Variants in SDK1 observed in about 807,000 individuals in gnomAD.
SDK1 encodes protein sidekick-1.
In SDK1, 157 loss-of-function variants were observed where a neutral mutation model predicts 245.5. That is an observed-to-expected ratio of 0.64 (90% CI 0.56 to 0.73). The LOEUF (loss-of-function observed/expected upper bound fraction) is 0.73, where lower values mean the gene tolerates loss of function less well. Ranked by LOEUF, SDK1 falls within the 30% of genes least tolerant of loss-of-function variation. SDK1 has a pLI of 0.00. For synonymous variants in SDK1, 1,647 were observed against 1,278.5 expected (o/e 1.29, Z -6.15); for missense variants, 3,583 against 3,002.3 (o/e 1.19, Z -4.52).
chr7:3,727,848 G>A (rs140105473), intron 4 of SDK1, among the ~76,000 whole-genome samples: 356 of 152,160 alleles, frequency 2.3e-3, no homozygotes, highest in Middle Eastern at 0.02. Flanking sequence ...GAGGTCCACC[G>A]TTTATTCAGA....
In SDK1 at chr7:3,545,739, A is replaced by G. The variant is rs182813834; in HGVS notation, c.299-73341A>G. 2.4e-3 allele frequency among the ~76,000 whole-genome samples: 372 copies of G among 152,356 alleles called. 3 individuals are homozygous for G. Among genetic ancestry groups the G allele is most frequent in the South Asian group, 0.018 (89 of 4,820 alleles). On this transcript the variant is annotated intron_variant, in intron 1 of 44. Transcript: ENST00000404826. ...TGGTTCTGTAGAAGCAGCTAAAGCA[A>G]GATGACATTTCTGAGACTTCTGGCC...
intron 5 of SDK1, among the ~76,000 whole-genome samples, chr7:3,930,565 T>C (rs557647643): frequency 1.7e-4 from 26 of 152,244 alleles, no homozygotes; most frequent in Middle Eastern, 3.2e-3. Context: ...GCTCAGAGAC[T>C]GAAAATCCTG....
At chr7:3,706,282 A>AGAT (rs1404041911) in intron 4 of SDK1, among the ~76,000 whole-genome samples, 1 of 152,224 alleles carries the variant, frequency 6.6e-6, no homozygotes, top group Non-Finnish European at 1.5e-5. Flanking sequence ...CTGGCTTCAC[A>AGAT]GATGAGTTAG....
chr7:3,749,188 G>A (rs1779707471), intron 4 of SDK1, among the ~76,000 whole-genome samples: 1 of 152,134 alleles, frequency 6.6e-6, no homozygotes, highest in African/African-American at 2.4e-5. Context: ...CTAGGCTGGA[G>A]TGCAGTGGCA....
At chr7:4,162,394 TTATTATTA>T (rs1482318974) in intron 32 of SDK1, among the ~76,000 whole-genome samples, 1 of 108,140 alleles carries the variant, frequency 9.2e-6, no homozygotes, top group Admixed American at 9.6e-5. Flanking sequence ...ATTATTATTA[TTATTATTA>T]TTATTATTAT....
chr7:3,699,823 A>G (rs535477370), intron 4 of SDK1, among the ~76,000 whole-genome samples: 52 of 152,372 alleles, frequency 3.4e-4, no homozygotes, highest in Admixed American at 9.8e-4. Context: ...TTTCCTGAAT[A>G]TGGCATTTTA....
chr7:4,168,594 T>C (rs597049), intron 32 of SDK1, among the ~76,000 whole-genome samples: 152,267 of 152,290 alleles, frequency 1, 76,122 homozygotes, highest in Middle Eastern at 1. Context: ...TCACGCCACC[T>C]GAGCTTCCCT....
chr7:4,265,949 G>GT lies in SDK1; in HGVS notation c.*566dup, dbSNP rs1477070945. 2 of 985,600 alleles carry GT rather than the reference G, an allele frequency of 2.0e-6. No homozygotes were observed. Among genetic ancestry groups the GT allele is most frequent in the Non-Finnish European group, 2.4e-6 (2 of 830,134 alleles). The allele number at this position is 985,600 out of a possible 1,614,324, so 61.1% of individuals were successfully genotyped here. ...GTTTCTGAAATGTTCTCACTTGGCA[G>GT]TGTCTAGTCAAGGAGTCGGCTTTCA... On this transcript the variant is annotated 3_prime_UTR_variant, in exon 45 of 45. Transcript: ENST00000404826.
chr7:3,317,834 C>G (rs1008513668), intron 1 of SDK1, among the ~76,000 whole-genome samples: 4 of 152,154 alleles, frequency 2.6e-5, no homozygotes, highest in Non-Finnish European at 5.9e-5. Flanking sequence ...AACTAGGAGC[C>G]TAAGGTAACC....
At chr7:3,643,006 C>G (rs1782698658) in intron 4 of SDK1, 2 of 152,262 alleles carry the variant, frequency 1.3e-5, no homozygotes, top group South Asian at 2.1e-4. Context: ...TTACATCTAA[C>G]TGTGAAAGTC....
intron 4 of SDK1, among the ~76,000 whole-genome samples, chr7:3,765,524 C>G (rs1780229710): frequency 6.6e-6 from 1 of 152,168 alleles, no homozygotes; most frequent in African/African-American, 2.4e-5. Context: ...CCTTTTAACG[C>G]TAGTTCTCGT....
At chr7:4,153,647 T>A (rs1035133852) in intron 30 of SDK1, among the ~76,000 whole-genome samples, 3 of 152,162 alleles carry the variant, frequency 2.0e-5, no homozygotes, top group Non-Finnish European at 4.4e-5. Context: ...TGATATTCTT[T>A]GTGATACAAT....
chr7:3,491,544 C>T lies in SDK1; in HGVS notation c.299-127536C>T, dbSNP rs566717383. Among the ~76,000 whole-genome samples, 293 of 152,280 alleles carry T rather than the reference C, an allele frequency of 1.9e-3. 1 individual carries two copies. The highest frequency in any genetic ancestry group is 6.6e-3 in the African/African-American group (275 of 41,556). The stretch of plus-strand genomic sequence containing the variant: ...ATTTCTTTTTCCCCTATTCATAAAC[C>T]ATTGTGATCGCAGTCTTCTATAGAA... On this transcript the variant is annotated intron_variant, in intron 1 of 44. Transcript: ENST00000404826.
At chr7:3,615,184 C>T (rs902102932) in intron 1 of SDK1, among the ~76,000 whole-genome samples, 2 of 151,570 alleles carry the variant, frequency 1.3e-5, no homozygotes, top group Non-Finnish European at 3.0e-5. Context: ...TATGAAGTGG[C>T]ATTTCTTTTT....
intron 35 of SDK1, 83 bp from the exon 36 acceptor site, chr7:4,205,796 C>T (rs1027508867): frequency 5.2e-5 from 58 of 1,125,220 alleles, no homozygotes; most frequent in Non-Finnish European, 6.5e-5. Context: ...AGGGCATGCT[C>T]GAGCCCCATG....
chr7:4,150,707 C>G (rs768776889), intron 30 of SDK1, among the ~76,000 whole-genome samples: 26 of 152,228 alleles, frequency 1.7e-4, no homozygotes, highest in Non-Finnish European at 3.7e-4. Flanking sequence ...CCTGGCCCCA[C>G]TCTGCCCTGG....
intron 4 of SDK1, among the ~76,000 whole-genome samples, chr7:3,810,919 A>G (rs1299581360): frequency 1.3e-5 from 2 of 152,224 alleles, no homozygotes; most frequent in Admixed American, 1.3e-4. Flanking sequence ...TGTTTTAGGT[A>G]ATAGAGGCTT....
chr7:3,793,841 G>A (rs1007865144), intron 4 of SDK1, among the ~76,000 whole-genome samples: 1 of 152,124 alleles, frequency 6.6e-6, no homozygotes, highest in African/African-American at 2.4e-5. Context: ...TCTGCACAAT[G>A]GCAGTCACCT....
chr7:3,319,710 A>G (rs557528404), intron 1 of SDK1, among the ~76,000 whole-genome samples: 1 of 152,092 alleles, frequency 6.6e-6, no homozygotes, highest in South Asian at 2.1e-4. Flanking sequence ...TTTATTGCCA[A>G]CTCAAGTACC....
Sources: allele counts gnomAD v4.1 joint callset (sites outside exome capture counted in the v4.1 genomes callset), GRCh38; gene constraint gnomAD v4.1.1; transcripts MANE v1.5; gene names NCBI Gene and HGNC (gene_info 2026-07-23, HGNC 2026-07-21).